MYO3B: variants seen among roughly 807,000 people sequenced by gnomAD.
MYO3B encodes myosin-IIIb.
Under a neutral mutation model 174.6 loss-of-function variants are expected in MYO3B, and 156 were observed. That is an observed-to-expected ratio of 0.89 (90% CI 0.78 to 1.02). The LOEUF is 1.02. MYO3B is among the 50% of genes least tolerant of loss of function. The probability of loss-of-function intolerance (pLI) is 0.00; values close to 1 mark genes in which losing one functional copy is unlikely to be tolerated. For missense variants in MYO3B, 1,632 were observed against 1,639.4 expected (o/e 1.00, Z 0.08); for synonymous variants, 563 against 569.1 (o/e 0.99, Z 0.15).
chr2:170,537,709 A>G lies in MYO3B; in HGVS notation c.3576-5197A>G, dbSNP rs1276607724. ...GAATCTTCCCACCTCAACCTCCCAA[A>G]GTGTTGGGATTACAGGCTTGAGCCA... On this transcript the variant is annotated intron_variant, in intron 30 of 34. Coordinates refer to ENST00000408978, the MANE Select transcript of MYO3B (RefSeq NM_138995.5). 2.6e-5 allele frequency among the ~76,000 whole-genome samples: 4 copies of G among 151,820 alleles called. No homozygotes were observed. In the South Asian group the frequency reaches 8.3e-4, roughly 31 times the overall value.
At chr2:170,341,406 G>T (rs1056299936) in intron 8 of MYO3B, 1 of 152,146 alleles carries the variant, frequency 6.6e-6, no homozygotes. Context: ...ATTCTCAGGA[G>T]GCCATGCAAA....
At chr2:170,338,034 A>G (rs2093956659) in intron 8 of MYO3B, 1 of 152,206 alleles carries the variant, frequency 6.6e-6, no homozygotes, top group Admixed American at 6.5e-5. Flanking sequence ...AGGGTCAACT[A>G]TGCAGAAATT....
At chr2:170,448,486 C>T (rs968090039) in intron 23 of MYO3B, among the ~76,000 whole-genome samples, 1 of 152,124 alleles carries the variant, frequency 6.6e-6, no homozygotes, top group East Asian at 1.9e-4. Flanking sequence ...GGTATTGACC[C>T]CTAGGTAAGA....
intron 7 of MYO3B, chr2:170,332,076 G>C (rs1038964330): frequency 1.3e-5 from 2 of 152,176 alleles, no homozygotes; most frequent in Non-Finnish European, 2.9e-5. Flanking sequence ...TTAGAATGTG[G>C]ACATCTTTGA....
chr2:170,386,511 C>G (rs2094376567), intron 13 of MYO3B, among the ~76,000 whole-genome samples: 1 of 151,970 alleles, frequency 6.6e-6, no homozygotes. Context: ...AATTAATTTT[C>G]ATGTTTTCAA....
chr2:170,193,666 TTA>T (rs2105324470), intron 1 of MYO3B, among the ~76,000 whole-genome samples: 2 of 152,260 alleles, frequency 1.3e-5, no homozygotes, highest in Non-Finnish European at 2.9e-5. Context: ...TGTCAAAGAC[TTA>T]TAGTCTATTT....
Position 170,189,049 on chromosome 2 carries a change from C to A in MYO3B, c.3-10159C>A, listed in dbSNP as rs567394970. Among the ~76,000 whole-genome samples, 36 of 152,198 alleles carry A rather than the reference C, an allele frequency of 2.4e-4. No individual in the cohort carries two copies. In the South Asian group the frequency reaches 7.5e-3, roughly 32 times the overall value. Reference sequence around the variant, plus strand: ...AGGTCAGGTCTGGTGCTGATCAAATCCCTCAGCTTTTGTTTGTCTGGGAAA... The same window carrying A: ...AGGTCAGGTCTGGTGCTGATCAAATACCTCAGCTTTTGTTTGTCTGGGAAA... On this transcript the variant is annotated intron_variant, in intron 1 of 34. Coordinates refer to ENST00000408978, the MANE Select transcript of MYO3B (RefSeq NM_138995.5).
intron 8 of MYO3B, chr2:170,344,466 G>A (rs1024311060): frequency 7.7e-6 from 1 of 130,520 alleles, no homozygotes; most frequent in Non-Finnish European, 1.6e-5. Flanking sequence ...ACCCCGTCTC[G>A]GTTGGGGGGG....
At position 170,461,694 on chromosome 2, in the gene MYO3B, T is replaced by A. The variant is rs112243099; in HGVS notation, c.2731-1674T>A. Among the ~76,000 whole-genome samples, 778 of 151,870 alleles carry A rather than the reference T, an allele frequency of 5.1e-3. 3 individuals are homozygous for A. Among genetic ancestry groups the A allele is most frequent in the African/African-American group, 0.018 (755 of 41,368 alleles). ...GGGAGGCCGAGGCAGGAGAATTGCT[T>A]GAATCTGGCAGATGGTGGTTGTAGT... On this transcript the variant is annotated intron_variant, in intron 23 of 34. Coordinates refer to ENST00000408978, the MANE Select transcript of MYO3B (RefSeq NM_138995.5).
chr2:170,511,067 T>G (rs113070469), intron 28 of MYO3B, among the ~76,000 whole-genome samples: 3,102 of 151,452 alleles, frequency 0.02, 109 homozygotes, highest in African/African-American at 0.071. Context: ...TTTTGTTTTT[T>G]TTTTTTTTTT....
intron 32 of MYO3B, among the ~76,000 whole-genome samples, chr2:170,582,714 A>G (rs13405453): frequency 0.072 from 10,893 of 152,202 alleles, 1,028 homozygotes; most frequent in East Asian, 0.42. Context: ...TGTTGCTCCT[A>G]GTTCCCCTGG....
intron 1 of MYO3B, among the ~76,000 whole-genome samples, chr2:170,185,546 G>A (rs1291021431): frequency 2.0e-5 from 3 of 152,136 alleles, no homozygotes; most frequent in Non-Finnish European, 4.4e-5. Context: ...GGTTACTATA[G>A]CTCTGTAGTA....
intron 8 of MYO3B, chr2:170,344,578 A>G (rs2094002518): frequency 6.6e-6 from 1 of 152,166 alleles, no homozygotes; most frequent in Admixed American, 6.5e-5. Context: ...AAGGAAGCTA[A>G]GAAATACAGT....
intron 22 of MYO3B, among the ~76,000 whole-genome samples, chr2:170,430,010 GTTTT>G (rs67405522): frequency 2.1e-5 from 3 of 142,150 alleles, no homozygotes; most frequent in African/African-American, 7.9e-5. Flanking sequence ...TTATACACAG[GTTTT>G]TTTTTTTTTT....
chr2:170,479,348 A>C (rs1685530946), intron 25 of MYO3B, among the ~76,000 whole-genome samples: 1 of 147,456 alleles, frequency 6.8e-6, no homozygotes, highest in South Asian at 2.1e-4. Flanking sequence ...TATGTATATA[A>C]AACCTATATA....
At chr2:170,647,720 T>G (rs772148679) in intron 32 of MYO3B, among the ~76,000 whole-genome samples, 4 of 152,096 alleles carry the variant, frequency 2.6e-5, no homozygotes, top group African/African-American at 4.8e-5. Context: ...TTAAGAACAT[T>G]CTATCCAATA....
Position 170,611,330 on chromosome 2 carries a change from A to G in MYO3B, c.3734-40298A>G, listed in dbSNP as rs1695115511. 2.6e-5 allele frequency among the ~76,000 whole-genome samples: 4 copies of G among 152,212 alleles called. No individual in the cohort carries two copies. The South Asian group carries it at 8.3e-4, about 32-fold the overall frequency. On this transcript the variant is annotated intron_variant, in intron 32 of 34. Coordinates refer to ENST00000408978, the MANE Select transcript of MYO3B (RefSeq NM_138995.5). ...TTTTTAAGTAAATATTCTATCAACA[A>G]TGATTGGGCTTTTTTGTTTGTTTGT...
intron 8 of MYO3B, among the ~76,000 whole-genome samples, chr2:170,357,040 C>T (rs1270128176): frequency 6.6e-6 from 1 of 152,152 alleles, no homozygotes; most frequent in Non-Finnish European, 1.5e-5. Flanking sequence ...GGCTCAGCCT[C>T]CCAAAGTGCT....
intron 6 of MYO3B, among the ~76,000 whole-genome samples, chr2:170,222,314 T>C (rs2092909875): frequency 6.6e-6 from 1 of 152,212 alleles, no homozygotes; most frequent in Non-Finnish European, 1.5e-5. Context: ...CTCTTGGGGT[T>C]GAAGACTTTT....
Sources: gnomAD v4.1 joint callset for allele counts (sites outside exome capture counted in the v4.1 genomes callset) on GRCh38, gnomAD v4.1.1 for gene constraint, MANE v1.5 for transcripts, NCBI Gene and HGNC (gene_info 2026-07-23, HGNC 2026-07-21) for gene names.